The following SNTG1 variants were observed in gnomAD, a reference collection of about 807,000 sequenced individuals.
SNTG1 encodes the protein gamma-1-syntrophin.
SNTG1 carries 39 observed loss-of-function variants against 74.7 expected under a neutral mutation model. The ratio of observed to expected loss-of-function variants is 0.52; its 90% CI spans 0.40 to 0.68. SNTG1 has a LOEUF of 0.68. Among genes scored for constraint, SNTG1 ranks in the 30% least tolerant of loss-of-function variants. The pLI, the probability that SNTG1 is intolerant of heterozygous loss-of-function variation, is 0.00. For missense variants in SNTG1, 685 were observed against 609.5 expected (o/e 1.12, Z -1.30); for synonymous variants, 254 against 217.1 (o/e 1.17, Z -1.49).
At chr8:50,495,462 TC>T (rs916613745) in intron 8 of SNTG1, among the ~76,000 whole-genome samples, 13 of 145,334 alleles carry the variant, frequency 8.9e-5, no homozygotes, top group Non-Finnish European at 1.3e-4. Flanking sequence ...CATGTCAAAT[TC>T]TTTTTTTTTT....
intron 1 of SNTG1, among the ~76,000 whole-genome samples, chr8:49,930,298 A>C (rs1350641945): frequency 6.6e-6 from 1 of 152,042 alleles, no homozygotes; most frequent in African/African-American, 2.4e-5. Flanking sequence ...TTTTACATTT[A>C]TATCAGTGAG....
intron 2 of SNTG1, among the ~76,000 whole-genome samples, chr8:50,202,948 A>G (rs1361022931): frequency 6.6e-6 from 1 of 151,724 alleles, no homozygotes; most frequent in African/African-American, 2.4e-5. Flanking sequence ...TATTACTTCA[A>G]ATATTTCTTG....
chr8:49,999,743 G>C (rs879524985), intron 1 of SNTG1, among the ~76,000 whole-genome samples: 1 of 151,850 alleles, frequency 6.6e-6, no homozygotes, highest in African/African-American at 2.4e-5. Flanking sequence ...TCCAGGGCTC[G>C]GCTCTCCCAC....
chr8:50,071,767 C>A (rs1821388293), intron 1 of SNTG1, among the ~76,000 whole-genome samples: 1 of 150,948 alleles, frequency 6.6e-6, no homozygotes, highest in African/African-American at 2.4e-5. Flanking sequence ...CATGAGCCAC[C>A]ACTCCCAGCT....
At chr8:50,382,744 C>T (rs1357153868) in intron 2 of SNTG1, among the ~76,000 whole-genome samples, 2 of 152,148 alleles carry the variant, frequency 1.3e-5, no homozygotes, top group South Asian at 2.1e-4. Flanking sequence ...CTGTATCAGT[C>T]AGGATTCTCC....
intron 17 of SNTG1, among the ~76,000 whole-genome samples, chr8:50,710,380 TA>T (rs1227602669): frequency 4.4e-4 from 67 of 152,248 alleles, no homozygotes; most frequent in African/African-American, 1.6e-3. Context: ...TCCTGAGTAT[TA>T]AATTAATTTG....
intron 12 of SNTG1, among the ~76,000 whole-genome samples, chr8:50,566,292 C>T (rs2094516456): frequency 1.3e-5 from 2 of 151,870 alleles, no homozygotes; most frequent in South Asian, 2.1e-4. Context: ...TGCATATAGT[C>T]CCAAAACAAC....
intron 17 of SNTG1, among the ~76,000 whole-genome samples, chr8:50,747,527 C>T (rs1163921182): frequency 1.3e-5 from 2 of 151,860 alleles, no homozygotes; most frequent in African/African-American, 2.4e-5. Context: ...TAGGATTCTA[C>T]CTTATCATAT....
In SNTG1 at chr8:50,793,722, G is replaced by A. The variant is rs1250379485; in HGVS notation, c.*893G>A. The A allele has an allele frequency of 2.6e-5, 4 of 151,844 alleles. No homozygotes were observed. Among genetic ancestry groups the A allele is most frequent in the South Asian group, 2.1e-4 (1 of 4,820 alleles). 9.4% of individuals were successfully genotyped at this position (151,844 alleles called of 1,614,324 possible). A position where few individuals can be genotyped will look rare whatever the true frequency, so the allele number is the denominator to read the frequency against. On this transcript the variant is annotated 3_prime_UTR_variant, in exon 19 of 19. Transcript: ENST00000642720. ...AGAAAATAATATAAACAAATATGGTGTGAGAAACAATTCTTTGTAATCCGA... is the reference window on the plus strand; with the variant it reads ...AGAAAATAATATAAACAAATATGGTATGAGAAACAATTCTTTGTAATCCGA...
intron 9 of SNTG1, among the ~76,000 whole-genome samples, chr8:50,518,119 C>T (rs554468365): frequency 1.9e-4 from 29 of 151,932 alleles, no homozygotes; most frequent in African/African-American, 5.8e-4. Context: ...TAAGATCATA[C>T]GGCAATCAAA....
At chr8:50,254,544 A>C (rs1431704916) in intron 2 of SNTG1, among the ~76,000 whole-genome samples, 3 of 152,092 alleles carry the variant, frequency 2.0e-5, no homozygotes, top group African/African-American at 7.2e-5. Context: ...ACTGAGTGAG[A>C]ATAGAAAATA....
At chr8:50,251,753 T>C (rs4383986) in intron 2 of SNTG1, among the ~76,000 whole-genome samples, 135,886 of 151,968 alleles carry the variant, frequency 0.89, 62,213 homozygotes, top group East Asian at 1. Context: ...GATAGAAATA[T>C]AATAATGGTA....
rs551727724 is a variant in SNTG1, at chr8:50,411,740, T to A, written c.162+9396T>A. ...CAGTCAGTAGTCACCACTAGGGACA[T>A]TTACGTTCCTAATTTCCCAGGGCTT... On this transcript the variant is annotated intron_variant, in intron 4 of 18. Transcript: ENST00000642720. 6.6e-5 allele frequency among the ~76,000 whole-genome samples: 10 copies of A among 152,264 alleles called. No individual in the cohort carries two copies. In the South Asian group the frequency reaches 1.7e-3, roughly 25 times the overall value.
intron 2 of SNTG1, among the ~76,000 whole-genome samples, chr8:50,327,498 A>G (rs2090795558): frequency 6.6e-6 from 1 of 152,112 alleles, no homozygotes; most frequent in Non-Finnish European, 1.5e-5. Flanking sequence ...TTTGATTTGT[A>G]TAAACATTGT....
chr8:50,753,420 A>G (rs2095572529), intron 18 of SNTG1, among the ~76,000 whole-genome samples: 1 of 151,992 alleles, frequency 6.6e-6, no homozygotes, highest in Non-Finnish European at 1.5e-5. Context: ...TCAGTTCTGT[A>G]TTATTCTGGC....
In SNTG1 at chr8:50,570,243, T is replaced by TTTATATTTTATTTTATTTTATTTTA. The variant is rs1554577280; in HGVS notation, c.810+17068_810+17069insATTTTATTTTATTTTATTTTATTAT. ...TGGTTCTATTTTTATTTTATTTTAT[T>TTTATATTTTATTTTATTTTATTTTA]TTATTTTATTTTATTTTATTTTATT... On this transcript the variant is annotated intron_variant, in intron 12 of 18. Transcript: ENST00000642720. Among the ~76,000 whole-genome samples the TTTATATTTTATTTTATTTTATTTTA allele has an allele frequency of 6.4e-3, 216 of 33,924 alleles. 16 individuals carry two copies. The highest frequency in any genetic ancestry group is 0.019 in the Non-Finnish European group (148 of 7,978). The allele number at this position is 33,924 out of a possible 152,430, so 22.3% of individuals were successfully genotyped here.
intron 1 of SNTG1, among the ~76,000 whole-genome samples, chr8:50,048,593 C>T (rs565423997): frequency 1.3e-5 from 2 of 152,250 alleles, no homozygotes; most frequent in East Asian, 3.9e-4. Flanking sequence ...GAAAAGGTGT[C>T]AGCTCCTAAT....
chr8:49,996,636 A>C (rs562235851), intron 1 of SNTG1, among the ~76,000 whole-genome samples: 120 of 152,308 alleles, frequency 7.9e-4, no homozygotes, highest in African/African-American at 2.6e-3. Flanking sequence ...TTGCCAGTCC[A>C]AATGTTTATT....
At chr8:50,586,573 A>G (rs1055349410) in intron 12 of SNTG1, among the ~76,000 whole-genome samples, 1 of 152,028 alleles carries the variant, frequency 6.6e-6, no homozygotes, top group Admixed American at 6.6e-5. Context: ...ACTTATCACC[A>G]TGAGTCACAC....
Sources: allele counts gnomAD v4.1 joint callset (sites outside exome capture counted in the v4.1 genomes callset), GRCh38; gene constraint gnomAD v4.1.1; transcripts MANE v1.5; gene names NCBI Gene and HGNC (gene_info 2026-07-23, HGNC 2026-07-21).